The following CYP11A1 variants were observed in gnomAD, a reference collection of about 807,000 sequenced individuals.
The protein encoded by CYP11A1 is cytochrome P450 family 11 subfamily A member 1.
Under a neutral mutation model 51.9 loss-of-function variants are expected in CYP11A1, and 25 were observed. The observed-to-expected ratio is 0.48, with a 90% CI of 0.35 to 0.67. The LOEUF (loss-of-function observed/expected upper bound fraction) is 0.67. CYP11A1 is among the 30% of genes least tolerant of loss of function. The probability of loss-of-function intolerance (pLI) is 0.00; values close to 1 mark genes in which losing one functional copy is unlikely to be tolerated. For missense variants in CYP11A1, 578 were observed against 680.9 expected (o/e 0.85, Z 1.68); for synonymous variants, 245 against 262.1 (o/e 0.93, Z 0.63).
At chr15:74,367,227 C>T in intron 1 of CYP11A1, 90 bp downstream of exon 1, 1 of 1,388,450 alleles carries the variant, frequency 7.2e-7, no homozygotes, top group Non-Finnish European at 1.0e-6. Context: ...AACCAGAGAA[C>T]AGCCTGTTGG....
intron 1 of CYP11A1, among the ~76,000 whole-genome samples, chr15:74,349,111 C>T (rs1346565523): frequency 2.0e-5 from 3 of 152,108 alleles, no homozygotes; most frequent in African/African-American, 4.8e-5. Context: ...TGTCAACACA[C>T]GGGGAAAAGA....
intron 1 of CYP11A1, among the ~76,000 whole-genome samples, chr15:74,349,618 A>G (rs2060646905): frequency 6.6e-6 from 1 of 152,232 alleles, no homozygotes; most frequent in Non-Finnish European, 1.5e-5. Flanking sequence ...ACTTCTGGGA[A>G]TCTAGCCCAA....
chr15:74,354,149 G>A (rs1206374549), intron 1 of CYP11A1, among the ~76,000 whole-genome samples: 1 of 152,194 alleles, frequency 6.6e-6, no homozygotes, highest in African/African-American at 2.4e-5. Flanking sequence ...GAGAATGTCA[G>A]GCCTCTGAGC....
intron 1 of CYP11A1, chr15:74,365,841 T>A (rs979693598): frequency 1.0e-6 from 1 of 985,514 alleles, no homozygotes; most frequent in Non-Finnish European, 1.2e-6. Context: ...GAGAAACGCA[T>A]ACCGGGTCGC....
chr15:74,366,359 C>A (rs1335160196), intron 1 of CYP11A1: 7 of 677,766 alleles, frequency 1.0e-5, no homozygotes, highest in African/African-American at 4.0e-5. Context: ...TCTCGGCTCA[C>A]TGCAACCTCC....
chr15:74,344,665 T>C (rs80047157), intron 3 of CYP11A1, among the ~76,000 whole-genome samples: 16,050 of 152,210 alleles, frequency 0.11, 1,114 homozygotes, highest in Middle Eastern at 0.16. Context: ...CACTGAACTC[T>C]CCTCTACCCT....
At chr15:74,347,835 C>G (rs1041886294) in intron 2 of CYP11A1, 65 bp downstream of exon 2, 8 of 1,576,292 alleles carry the variant, frequency 5.1e-6, no homozygotes, top group South Asian at 2.3e-5. Context: ...TCACCCCCAG[C>G]CTCTGCCCTC....
chr15:74,353,494 G>A (rs2060664784), intron 1 of CYP11A1, among the ~76,000 whole-genome samples: 1 of 152,106 alleles, frequency 6.6e-6, no homozygotes, highest in Non-Finnish European at 1.5e-5. Flanking sequence ...TATGTTTACT[G>A]TTTTGCATGG....
Position 74,343,851 on chromosome 15 carries a change from C to A in CYP11A1, c.767G>T (p.Arg256Leu). The change falls in exon 4 of 9, where the codon CGT (arginine) becomes CTT (leucine). Residue 256 changes from arginine (R) to leucine (L), a missense_variant. Coordinates refer to ENST00000268053, the MANE Select transcript of CYP11A1 (RefSeq NM_000781.3). ...PMLNLPPDLF[R>L]LFRTKTWKDH... The stretch of plus-strand genomic sequence containing the variant: ...CTTCCAGGTCTTGGTCCTGAACAGA[C>A]GGAACAGGTCTGGGGGAAGGTTGAG... The A allele has an allele frequency of 6.2e-7, 1 of 1,613,788 alleles. No individual in the cohort carries two copies. Among genetic ancestry groups the A allele is most frequent in the Non-Finnish European group, 8.5e-7 (1 of 1,180,026 alleles).
At chr15:74,352,318 A>G (rs2141240273) in intron 1 of CYP11A1, among the ~76,000 whole-genome samples, 1 of 128,472 alleles carries the variant, frequency 7.8e-6, no homozygotes, top group Non-Finnish European at 1.5e-5. Context: ...CACCCAGGCT[A>G]GAGTGCAGTG....
rs539470494 is a variant in CYP11A1 at position 74,359,763 on chromosome 15, C to G, written c.269+7554G>C. On this transcript the variant is annotated intron_variant, in intron 1 of 8. Transcript: ENST00000268053. ...GCTCACACAAAGCCTGTTCAGTGGT[C>G]TCTTCACAGGGACACGCGTGAAAGA... Among the ~76,000 whole-genome samples, 90 of 152,230 alleles carry G rather than the reference C, an allele frequency of 5.9e-4. 1 individual carries two copies. The highest frequency in any genetic ancestry group is 6.5e-4 in the Non-Finnish European group (44 of 68,046).
chr15:74,343,722 G>T, intron 4 of CYP11A1, 67 bp downstream of exon 4: 1 of 1,399,946 alleles, frequency 7.1e-7, no homozygotes. Flanking sequence ...TTGACATAGC[G>T]TGGGACAAAG....
chr15:74,339,581 G>C lies in CYP11A1; in HGVS notation c.1157+6C>G. ...TTGGGGGCGGCATGGGTGGTTGTGG[G>C]CTTGCCTTAGTGTCTCCTTGATGCT... On this transcript the variant is annotated splice_donor_region_variant and intron_variant, in intron 6 of 8. Transcript: ENST00000268053. 6.2e-7 allele frequency: 1 copy of C among 1,612,966 alleles called. No individual in the cohort carries two copies. The highest frequency in any genetic ancestry group is 8.5e-7 in the Non-Finnish European group (1 of 1,179,104).
intron 5 of CYP11A1, among the ~76,000 whole-genome samples, chr15:74,341,010 C>T (rs971784847): frequency 4.6e-5 from 7 of 152,194 alleles, no homozygotes; most frequent in African/African-American, 1.7e-4. Flanking sequence ...TGTGTGTATT[C>T]ATCTCAGTAC....
chr15:74,348,370 C>G, intron 1 of CYP11A1: 1 of 387,314 alleles, frequency 2.6e-6, no homozygotes, highest in Non-Finnish European at 4.9e-6. Context: ...AAAGCCACCC[C>G]CGAGCCTTCC....
At chr15:74,358,920 AC>A (rs1050129391) in intron 1 of CYP11A1, among the ~76,000 whole-genome samples, 36 of 152,090 alleles carry the variant, frequency 2.4e-4, no homozygotes, top group African/African-American at 6.3e-4. Context: ...AACACACCTC[AC>A]CAAACTCAGC....
In CYP11A1 at chr15:74,365,925, G is replaced by T. The variant is rs1054478813; in HGVS notation, c.269+1392C>A. On this transcript the variant is annotated intron_variant, in intron 1 of 8. Coordinates refer to ENST00000268053, the MANE Select transcript of CYP11A1 (RefSeq NM_000781.3). ...CAGCGCCCCCGTAACACCTCAAAGC[G>T]CACGGAGTCCGTGTTGGGGAACTTG... The T allele has an allele frequency of 3.6e-5, 35 of 984,322 alleles. 1 individual carries two copies. In the African/African-American group the frequency reaches 5.2e-4, roughly 15 times the overall value. 61.0% of individuals were successfully genotyped at this position (984,322 alleles called of 1,614,324 possible).
In CYP11A1 at chr15:74,343,942, C is replaced by T; in HGVS notation, c.676G>A (p.Val226Met). 2 of 1,614,144 alleles carry T rather than the reference C, an allele frequency of 1.2e-6. No individual in the cohort carries two copies. The highest frequency in any genetic ancestry group is 1.7e-6 in the Non-Finnish European group (2 of 1,180,032). The change falls in exon 4 of 9, where the codon GTG becomes ATG. Residue 226 changes from valine (V) to methionine (M), a missense_variant. Physicochemically the swap from Val to Met is conservative, Grantham distance 21. Coordinates refer to ENST00000268053, the MANE Select transcript of CYP11A1 (RefSeq NM_000781.3). ...ATGAATCGCTGGGCCTCGGGGTTCA[C>T]TACTTCCTCCAGCATCCCCTGGCGC... ...GERQGMLEEV[V>M]NPEAQRFIDA...
chr15:74,343,315 C>T (rs550506452), intron 4 of CYP11A1, among the ~76,000 whole-genome samples, 178 bp from the exon 5 acceptor site: 2 of 152,178 alleles, frequency 1.3e-5, no homozygotes, highest in South Asian at 4.2e-4. Context: ...GTTTTTTCAT[C>T]GAATTCTTGG....
Sources: allele counts gnomAD v4.1 joint callset (sites outside exome capture counted in the v4.1 genomes callset), GRCh38; gene constraint gnomAD v4.1.1; transcripts MANE v1.5; gene names NCBI Gene and HGNC (gene_info 2026-07-23, HGNC 2026-07-21).